Variants in CDC45 observed in about 807,000 individuals in gnomAD.
CDC45 encodes cell division control protein 45 homolog.
Under a neutral mutation model 77.8 loss-of-function variants are expected in CDC45, and 54 were observed. The ratio of observed to expected loss-of-function variants is 0.69; its 90% confidence interval spans 0.56 to 0.87. CDC45 has a LOEUF of 0.87. Ranked by LOEUF, CDC45 falls within the 40% of genes least tolerant of loss-of-function variation. The pLI, the probability that CDC45 is intolerant of heterozygous loss-of-function variation, is 0.00. For missense variants in CDC45, 649 were observed against 721.6 expected, an observed-to-expected ratio of 0.90 and a Z score of 1.15; for synonymous variants, 260 against 272.1, an observed-to-expected ratio of 0.96 and a Z score of 0.44.
At chr22:19,495,944 A>G (rs778122059) in intron 6 of CDC45, 37 bp from the exon 7 acceptor site, 5 of 1,512,354 alleles carry the variant, frequency 3.3e-6, no homozygotes, top group African/African-American at 2.7e-5. Flanking sequence ...CTGTACTGCT[A>G]CTTCCTGTTG....
intron 5 of CDC45, among the ~76,000 whole-genome samples, chr22:19,485,462 G>A (rs1331181338): frequency 6.6e-6 from 1 of 152,186 alleles, no homozygotes; most frequent in Non-Finnish European, 1.5e-5. Context: ...CCTGGGCAGA[G>A]CATCCATAGA....
At chr22:19,512,585 T>C (rs981465186) in intron 13 of CDC45, among the ~76,000 whole-genome samples, 1 of 152,204 alleles carries the variant, frequency 6.6e-6, no homozygotes, top group Non-Finnish European at 1.5e-5. Flanking sequence ...CCAGCATTGA[T>C]GGGTAGGCTT....
chr22:19,508,015 A>G (rs903138006), intron 12 of CDC45, 151 bp downstream of exon 12: 8 of 606,040 alleles, frequency 1.3e-5, no homozygotes, highest in Non-Finnish European at 2.0e-5. Context: ...GAATGTACAA[A>G]TGAGTGTTAT....
rs775615531 is a variant in CDC45, at chr22:19,483,914, A to C, written c.395A>C (p.Asp132Ala). ...DDDLEVPAYEDIFRDEEEDEE... is the reference protein window; with the variant it reads ...DDDLEVPAYEAIFRDEEEDEE... ...GACCTTGAAGTTCCCGCCTATGAAG[A>C]CATCTTCAGGGATGAAGAGGAGGAT... Residue 132 changes from aspartate (D) to alanine (A), a missense_variant, in exon 5 of 19, where the codon GAC becomes GCC. Coordinates refer to ENST00000263201, the MANE Select transcript of CDC45 (RefSeq NM_003504.5). 40 of 1,612,676 alleles carry C rather than the reference A, an allele frequency of 2.5e-5. No individual in the cohort carries two copies. Among genetic ancestry groups the C allele is most frequent in the Non-Finnish European group, 3.1e-5 (37 of 1,179,050 alleles).
chr22:19,509,484 T>C (rs1267979014), intron 13 of CDC45, among the ~76,000 whole-genome samples: 1 of 152,168 alleles, frequency 6.6e-6, no homozygotes, highest in African/African-American at 2.4e-5. Flanking sequence ...ATTTAGAAAG[T>C]CTTTGAGTCT....
In CDC45 at chr22:19,516,516, C is replaced by T. The variant is rs367974929; in HGVS notation, c.1441-11C>T. 6.7e-5 allele frequency: 108 copies of T among 1,610,538 alleles called. No individual in the cohort carries two copies. The highest frequency in any genetic ancestry group is 8.4e-5 in the Non-Finnish European group (99 of 1,177,120). ...CCATACCCTGACGGAGGGTGCTCTC[C>T]GACTCCATAGACAAAGAACCGGCGC... On this transcript the variant is annotated splice_polypyrimidine_tract_variant and intron_variant, in intron 15 of 18. Transcript: ENST00000263201.
chr22:19,514,912 CGCCTG>C, intron 14 of CDC45, 25 bp downstream of exon 14: 3 of 1,614,220 alleles, frequency 1.9e-6, no homozygotes, highest in Non-Finnish European at 2.5e-6. Context: ...AGAGCACAGG[CGCCTG>C]GTCACAGCAC....
chr22:19,495,018 T>C (rs1222791777), intron 6 of CDC45, among the ~76,000 whole-genome samples: 1 of 152,162 alleles, frequency 6.6e-6, no homozygotes, highest in African/African-American at 2.4e-5. Context: ...GCCATTGCAC[T>C]CCAGCCTGGG....
intron 5 of CDC45, among the ~76,000 whole-genome samples, chr22:19,486,956 G>C (rs1454589417): frequency 2.0e-5 from 3 of 151,834 alleles, no homozygotes; most frequent in African/African-American, 4.8e-5. Context: ...GATTACAGGC[G>C]TGAGCCACCG....
At chr22:19,482,661 C>G in intron 3 of CDC45, 29 bp from the exon 4 acceptor site, 1 of 1,608,604 alleles carries the variant, frequency 6.2e-7, no homozygotes. Flanking sequence ...CTCGATATAG[C>G]TACTTTACAA....
chr22:19,481,383 T>C (rs2089980130), intron 3 of CDC45, among the ~76,000 whole-genome samples: 1 of 152,188 alleles, frequency 6.6e-6, no homozygotes, highest in Non-Finnish European at 1.5e-5. Context: ...ATTTTTTTAT[T>C]TTTTATTTTT....
intron 15 of CDC45, among the ~76,000 whole-genome samples, chr22:19,516,065 G>A (rs370671861): frequency 1.3e-5 from 2 of 152,100 alleles, no homozygotes; most frequent in South Asian, 2.1e-4. Flanking sequence ...CGGCGGGGGG[G>A]ACGAGGAGTG....
chr22:19,482,810 G>T lies in CDC45; in HGVS notation c.325G>T (p.Val109Leu). The T allele has an allele frequency of 6.2e-7, 1 of 1,614,074 alleles. No individual in the cohort carries two copies. Among genetic ancestry groups the T allele is most frequent in the Admixed American group, 1.7e-5 (1 of 60,028 alleles). The change falls in exon 4 of 19, where the codon GTA becomes TTA. Residue 109 changes from valine to leucine, a missense_variant. Physicochemically the swap from Val to Leu is conservative, Grantham distance 32. Coordinates refer to ENST00000263201, the MANE Select transcript of CDC45 (RefSeq NM_003504.5). Reference protein sequence around the residue: ...DTHRPVNVVNVYNDTQIKLLI... With the variant: ...DTHRPVNVVNLYNDTQIKLLI... ...CCATAGGCCAGTCAATGTCGTCAATGTATACAACGATACCCAGGTACTTTT... is the reference window on the plus strand; with the variant it reads ...CCATAGGCCAGTCAATGTCGTCAATTTATACAACGATACCCAGGTACTTTT...
intron 13 of CDC45, 40 bp downstream of exon 13, chr22:19,508,731 C>G (rs754794130): frequency 1.3e-6 from 2 of 1,599,158 alleles, no homozygotes; most frequent in African/African-American, 1.3e-5. Flanking sequence ...GGGGCCACCA[C>G]TGGTTCTCAC....
intron 5 of CDC45, among the ~76,000 whole-genome samples, chr22:19,488,742 A>G (rs778459992): frequency 1.2e-4 from 19 of 152,218 alleles, no homozygotes; most frequent in Non-Finnish European, 2.9e-5. Context: ...TCCCACCATG[A>G]TAGAGAACAA....
intron 16 of CDC45, 61 bp from the exon 17 acceptor site, chr22:19,516,756 G>A (rs547558670): frequency 2.5e-5 from 19 of 758,120 alleles, no homozygotes; most frequent in Middle Eastern, 2.7e-4. Context: ...GTCCTGGGGC[G>A]GGGGGTGGGA....
intron 5 of CDC45, 54 bp from the exon 6 acceptor site, chr22:19,494,273 G>T: frequency 2.0e-6 from 3 of 1,528,970 alleles, no homozygotes; most frequent in East Asian, 2.3e-5. Context: ...GGGCTGTGGG[G>T]ATAAATTCCT....
At position 19,508,650 on chromosome 22, in the gene CDC45, A is replaced by AG; in HGVS notation, c.1179dup (p.Thr394AspfsTer15). ...TGGAGAGCCCCGAGAAGGATGGCTC[A>AG]GGGACAGATCACTTCATCCAGGCTC... On this transcript the variant is annotated frameshift_variant, in exon 13 of 19. Coordinates refer to ENST00000263201, the MANE Select transcript of CDC45 (RefSeq NM_003504.5). LOFTEE classifies it high-confidence loss of function. The AG allele has an allele frequency of 6.2e-7, 1 of 1,614,180 alleles. No homozygotes were observed. Among genetic ancestry groups the AG allele is most frequent in the Non-Finnish European group, 8.5e-7 (1 of 1,180,020 alleles).
At chr22:19,490,550 A>G (rs1242691991) in intron 5 of CDC45, among the ~76,000 whole-genome samples, 1 of 151,174 alleles carries the variant, frequency 6.6e-6, no homozygotes, top group African/African-American at 2.4e-5. Context: ...AATTTTTTGT[A>G]TTTTTAGTAG....
Sources: allele counts gnomAD v4.1 joint callset (sites outside exome capture counted in the v4.1 genomes callset), GRCh38; gene constraint gnomAD v4.1.1; transcripts MANE v1.5; gene names NCBI Gene and HGNC (gene_info 2026-07-23, HGNC 2026-07-21).